Variants in HMGB1 observed in about 807,000 individuals in gnomAD.
The protein encoded by HMGB1 is high mobility group box 1.
For synonymous variants in HMGB1, 81 were observed against 84.0 expected, an observed-to-expected ratio of 0.96 and a Z score of 0.19; for missense variants, 79 against 253.5, an observed-to-expected ratio of 0.31 and a Z score of 4.67.
intron 1 of HMGB1, chr13:30,542,049 T>A (rs1868917036): frequency 6.5e-6 from 1 of 153,568 alleles, no homozygotes; most frequent in Non-Finnish European, 1.5e-5. Flanking sequence ...TTGTTTTAGC[T>A]TCTGAACTTT....
In HMGB1 at chr13:30,456,776, T is replaced by TG. The variant is rs1886008849; in HGVS notation, c.*4580dup. On this transcript the variant is annotated 3_prime_UTR_variant, in exon 5 of 5. Transcript: ENST00000341423. Reference sequence around the variant, plus strand: ...TTTTGTGGGCGGGGGGGGGGGGTGGTGGGGTGCAATTTATCAACATCTTCC... The same window carrying TG: ...TTTTGTGGGCGGGGGGGGGGGGTGGTGGGGGTGCAATTTATCAACATCTTCC... 1 of 20,668 alleles carries TG rather than the reference T, an allele frequency of 4.8e-5. No individual in the cohort carries two copies. Among genetic ancestry groups the TG allele is most frequent in the Non-Finnish European group, 9.0e-5 (1 of 11,128 alleles). 1.3% of individuals were successfully genotyped at this position (20,668 alleles called of 1,614,324 possible). A position where few individuals can be genotyped will look rare whatever the true frequency, so the allele number is the denominator to read the frequency against.
chr13:30,478,685 G>C (rs1450260135), intron 1 of HMGB1, among the ~76,000 whole-genome samples: 1 of 151,528 alleles, frequency 6.6e-6, no homozygotes, highest in Non-Finnish European at 1.5e-5. Flanking sequence ...TTTCTTTTTT[G>C]AGACAGGTTC....
intron 1 of HMGB1, among the ~76,000 whole-genome samples, chr13:30,506,769 G>A (rs1371148522): frequency 6.6e-6 from 1 of 152,144 alleles, no homozygotes; most frequent in African/African-American, 2.4e-5. Context: ...GCTGAGTGGG[G>A]TGCGCTCCTG....
upstream of HMGB1, among the ~76,000 whole-genome samples, chr13:30,467,074 G>C (rs1202451991): frequency 6.6e-6 from 1 of 152,226 alleles, no homozygotes; most frequent in Non-Finnish European, 1.5e-5. Context: ...GGTATTAATA[G>C]ACATACTTAC....
chr13:30,604,652 A>G (rs73167366), intron 1 of HMGB1, among the ~76,000 whole-genome samples: 17,596 of 152,050 alleles, frequency 0.12, 1,513 homozygotes, highest in East Asian at 0.32. Flanking sequence ...TAGCTTCCCA[A>G]TGTTTTTTTG....
chr13:30,587,390 T>G (rs1257469372), intron 1 of HMGB1, among the ~76,000 whole-genome samples: 2 of 152,318 alleles, frequency 1.3e-5, no homozygotes, highest in East Asian at 1.9e-4. Flanking sequence ...TTTGCAGGCA[T>G]GACCACAGCA....
chr13:30,498,956 G>GT (rs56376029), intron 1 of HMGB1, among the ~76,000 whole-genome samples: 2,475 of 140,912 alleles, frequency 0.018, 40 homozygotes, highest in African/African-American at 0.046. Flanking sequence ...CCTCTTTTTT[G>GT]TTTTTTTTTT....
At chr13:30,613,915 G>A (rs1293575690) in intron 1 of HMGB1, among the ~76,000 whole-genome samples, 1 of 151,608 alleles carries the variant, frequency 6.6e-6, no homozygotes, top group Non-Finnish European at 1.5e-5. Flanking sequence ...ACACCTAAAT[G>A]TTCAAAAGGA....
chr13:30,474,759 C>CTTTTTTT (rs549499620), intron 1 of HMGB1, among the ~76,000 whole-genome samples: 9 of 92,816 alleles, frequency 9.7e-5, no homozygotes, highest in East Asian at 4.5e-4. Context: ...TCTCTCTCTC[C>CTTTTTTT]TTTTTTTTTT....
chr13:30,500,784 C>T (rs1276535629), intron 1 of HMGB1, among the ~76,000 whole-genome samples: 1 of 149,852 alleles, frequency 6.7e-6, no homozygotes, highest in Non-Finnish European at 1.5e-5. Context: ...AGTGCAATGG[C>T]ATGATCTTGG....
chr13:30,538,663 C>CTTTCTTTCCTTT (rs1555238863), intron 1 of HMGB1, among the ~76,000 whole-genome samples: 2 of 80,038 alleles, frequency 2.5e-5, no homozygotes, highest in Admixed American at 1.3e-4. Flanking sequence ...TTCTTTCTTT[C>CTTTCTTTCCTTT]CTTTCTTTCT....
At chr13:30,550,209 T>C (rs925649406) in intron 1 of HMGB1, among the ~76,000 whole-genome samples, 4 of 152,192 alleles carry the variant, frequency 2.6e-5, no homozygotes, top group African/African-American at 9.7e-5. Flanking sequence ...TCAGGAGCTA[T>C]GACATCCTTT....
chr13:30,465,181 C>A, intron 1 of HMGB1: 1 of 942,450 alleles, frequency 1.1e-6, no homozygotes, highest in Non-Finnish European at 1.3e-6. Flanking sequence ...GGCGCCGCTC[C>A]CCCCGCCGCC....
chr13:30,610,121 A>C (rs924659123), intron 1 of HMGB1, among the ~76,000 whole-genome samples: 1 of 152,136 alleles, frequency 6.6e-6, no homozygotes. Context: ...AACTTACTTT[A>C]TTGTAAGAAT....
chr13:30,554,675 T>C, intron 1 of HMGB1: 4 of 771,442 alleles, frequency 5.2e-6, no homozygotes, highest in African/African-American at 1.7e-5. Context: ...AAATGCAAGA[T>C]ACAATGGAAG....
intron 1 of HMGB1, among the ~76,000 whole-genome samples, chr13:30,543,717 C>T (rs1326717182): frequency 6.6e-6 from 1 of 152,108 alleles, no homozygotes; most frequent in African/African-American, 2.4e-5. Flanking sequence ...AGATTCTGGG[C>T]CCTGAAGCCC....
intron 1 of HMGB1, among the ~76,000 whole-genome samples, chr13:30,563,800 C>A (rs899628589): frequency 3.3e-5 from 5 of 152,110 alleles, no homozygotes; most frequent in Non-Finnish European, 7.4e-5. Flanking sequence ...AACGTTTAAT[C>A]AATTGAGGAT....
At chr13:30,471,910 G>T (rs1191467282) in intron 1 of HMGB1, among the ~76,000 whole-genome samples, 1 of 148,060 alleles carries the variant, frequency 6.8e-6, no homozygotes, top group Non-Finnish European at 1.5e-5. Flanking sequence ...CAGGTGATCC[G>T]CCCGCCTAAG....
chr13:30,592,181 AAAC>A, intron 1 of HMGB1, among the ~76,000 whole-genome samples: 1 of 150,586 alleles, frequency 6.6e-6, no homozygotes. Flanking sequence ...ATTAAAAAAA[AAAC>A]ATTTTCCCCT....
Sources: allele counts gnomAD v4.1 joint callset (sites outside exome capture counted in the v4.1 genomes callset), GRCh38; gene constraint gnomAD v4.1.1; transcripts MANE v1.5; gene names NCBI Gene and HGNC (gene_info 2026-07-23, HGNC 2026-07-21).